PARM1: variants seen among roughly 807,000 people sequenced by gnomAD.
PARM1 encodes WSC4, cell wall integrity and stress response component 4 homolog.
Under a neutral mutation model 24.6 loss-of-function variants are expected in PARM1, and 14 were observed. The ratio of observed to expected loss-of-function variants is 0.57; its 90% CI spans 0.38 to 0.89. The LOEUF is 0.89. Among genes scored for constraint, PARM1 ranks in the 40% least tolerant of loss-of-function variants. PARM1 has a pLI of 0.00. For missense variants in PARM1, 362 were observed against 380.4 expected (o/e 0.95, Z 0.40); for synonymous variants, 179 against 156.6 (o/e 1.14, Z -1.07).
Position 75,033,889 on chromosome 4 carries a change from T to G in PARM1, c.776T>G (p.Ile259Ser). ...EVEHALSSGS[I>S]AAITVTVIAV... ...TGCCCTTCCTCCTTCACAGGCAGCATCGCCGCCATTACCGTGACAGTCATT... is the reference window on the plus strand; with the variant it reads ...TGCCCTTCCTCCTTCACAGGCAGCAGCGCCGCCATTACCGTGACAGTCATT... The change falls in exon 3 of 4, where the codon ATC becomes AGC. Residue 259 changes from isoleucine to serine, a missense_variant. Ile to Ser is a moderately radical substitution (Grantham distance 142). Transcript: ENST00000307428. 1 of 1,597,026 alleles carries G rather than the reference T, an allele frequency of 6.3e-7. No individual in the cohort carries two copies. Among genetic ancestry groups the G allele is most frequent in the Non-Finnish European group, 8.5e-7 (1 of 1,171,478 alleles).
chr4:75,012,284 T>A (rs1722884291), intron 1 of PARM1, 141 bp from the exon 2 acceptor site: 1 of 895,108 alleles, frequency 1.1e-6, no homozygotes, highest in Non-Finnish European at 1.7e-6. Context: ...AAAGTTGCCT[T>A]CACAACTGGG....
intron 1 of PARM1, among the ~76,000 whole-genome samples, chr4:75,005,810 T>C (rs2109789802): frequency 6.6e-6 from 1 of 152,338 alleles, no homozygotes; most frequent in East Asian, 1.9e-4. Context: ...CTGACCAGAC[T>C]TCAGGAACCA....
chr4:74,999,034 A>G (rs998194737), intron 1 of PARM1: 1 of 152,272 alleles, frequency 6.6e-6, no homozygotes. Context: ...TGTCAGAGGT[A>G]CTGGGTCTCA....
At chr4:74,953,822 T>C (rs1009522250) in intron 1 of PARM1, among the ~76,000 whole-genome samples, 2 of 151,896 alleles carry the variant, frequency 1.3e-5, no homozygotes, top group Non-Finnish European at 2.9e-5. Context: ...TCCAGAGACA[T>C]CTGACTGAGG....
Position 74,943,946 on chromosome 4 carries a change from G to A in PARM1, c.43+10576G>A, listed in dbSNP as rs116695014. On this transcript the variant is annotated intron_variant, in intron 1 of 3. Coordinates refer to ENST00000307428, the MANE Select transcript of PARM1 (RefSeq NM_015393.4). ...TTAGAGACCCTGTGCTACCTTCTTC[G>A]GTTGTTCTGAAATATGAATTGTGTT... Among the ~76,000 whole-genome samples, 218 of 152,246 alleles carry A rather than the reference G, an allele frequency of 1.4e-3. 2 individuals are homozygous for A. The highest frequency in any genetic ancestry group is 3.4e-3 in the Middle Eastern group (1 of 294).
rs572568114 is a variant in PARM1 at position 75,033,751 on chromosome 4, G to T, written c.770-132G>T. On this transcript the variant is annotated intron_variant, in intron 2 of 3. Coordinates refer to ENST00000307428, the MANE Select transcript of PARM1 (RefSeq NM_015393.4). ...TCTAGCTGTGAATGTCATGCAGAAT[G>T]ATCTGAAGTAGCTTTTCCCCCTTTC... The T allele has an allele frequency of 8.7e-6, 5 of 575,198 alleles. No individual in the cohort carries two copies. The South Asian group carries it at 1.5e-4, about 17-fold the overall frequency. The allele number at this position is 575,198 out of a possible 1,614,324, so 35.6% of individuals were successfully genotyped here.
Position 74,934,947 on chromosome 4 carries a change from A to T in PARM1, c.43+1577A>T, listed in dbSNP as rs1053371077. Reference sequence around the variant, plus strand: ...TGTCAAAACCGGGATTAACCCTAACAAACAGTGTATTGTAGCTTCCCCACC... The same window carrying T: ...TGTCAAAACCGGGATTAACCCTAACTAACAGTGTATTGTAGCTTCCCCACC... On this transcript the variant is annotated intron_variant, in intron 1 of 3. Transcript: ENST00000307428. Among the ~76,000 whole-genome samples the T allele has an allele frequency of 2.0e-5, 3 of 151,428 alleles. No homozygotes were observed. The East Asian group carries it at 5.8e-4, about 29-fold the overall frequency.
chr4:74,957,549 TG>T (rs1483169099), intron 1 of PARM1, among the ~76,000 whole-genome samples: 22 of 152,236 alleles, frequency 1.4e-4, no homozygotes, highest in African/African-American at 5.3e-4. Context: ...TAGAGGTTTT[TG>T]TTCTTTTTAA....
intron 1 of PARM1, among the ~76,000 whole-genome samples, chr4:74,946,771 G>A (rs531237505): frequency 2.6e-5 from 4 of 152,082 alleles, no homozygotes; most frequent in South Asian, 4.1e-4. Context: ...CATTAAATAC[G>A]TTTAAACTCG....
chr4:75,008,144 C>T (rs1002941834), intron 1 of PARM1, among the ~76,000 whole-genome samples: 1 of 152,142 alleles, frequency 6.6e-6, no homozygotes, highest in Non-Finnish European at 1.5e-5. Flanking sequence ...ATGGAATGTA[C>T]CATCAAATAA....
intron 1 of PARM1, among the ~76,000 whole-genome samples, chr4:74,969,218 G>A (rs1043551344): frequency 2.0e-5 from 3 of 152,196 alleles, no homozygotes; most frequent in African/African-American, 7.2e-5. Context: ...AGAGAGCCAA[G>A]CTCATGGGTC....
intron 1 of PARM1, among the ~76,000 whole-genome samples, chr4:75,009,846 C>G (rs1220651643): frequency 6.6e-6 from 1 of 152,058 alleles, no homozygotes; most frequent in Admixed American, 6.6e-5. Context: ...AGCTTTTATT[C>G]CAGTAGAAGA....
At chr4:75,037,742 T>C (rs1175754879) in intron 3 of PARM1, among the ~76,000 whole-genome samples, 1 of 152,194 alleles carries the variant, frequency 6.6e-6, no homozygotes, top group Non-Finnish European at 1.5e-5. Context: ...ACTCTTCTAC[T>C]TACTATTTAG....
chr4:75,000,924 G>C (rs17000066), intron 1 of PARM1, among the ~76,000 whole-genome samples: 2 of 152,140 alleles, frequency 1.3e-5, no homozygotes, highest in Non-Finnish European at 2.9e-5. Context: ...TAACCATTGC[G>C]GGTAGCTGTA....
intron 1 of PARM1, among the ~76,000 whole-genome samples, chr4:74,987,016 T>G (rs549123558): frequency 7.9e-5 from 12 of 152,250 alleles, no homozygotes; most frequent in Non-Finnish European, 1.6e-4. Flanking sequence ...TGAGTTTAAT[T>G]GAGTTCTATG....
intron 1 of PARM1, among the ~76,000 whole-genome samples, chr4:74,977,009 AT>A (rs1722151729): frequency 6.6e-6 from 1 of 152,254 alleles, no homozygotes; most frequent in South Asian, 2.1e-4. Flanking sequence ...GAAAAAATGA[AT>A]GCAAGAATAC....
At chr4:74,981,460 T>C (rs1190586438) in intron 1 of PARM1, among the ~76,000 whole-genome samples, 1 of 152,108 alleles carries the variant, frequency 6.6e-6, no homozygotes, top group Non-Finnish European at 1.5e-5. Flanking sequence ...ATGGCACTTA[T>C]TAAAAGGTCA....
At chr4:74,985,929 C>T (rs572908021) in intron 1 of PARM1, among the ~76,000 whole-genome samples, 38 of 152,072 alleles carry the variant, frequency 2.5e-4, no homozygotes, top group South Asian at 1.7e-3. Flanking sequence ...CCACCACGCC[C>T]GGCTAATTTT....
chr4:74,941,208 C>G (rs1721302371), intron 1 of PARM1, among the ~76,000 whole-genome samples: 1 of 152,186 alleles, frequency 6.6e-6, no homozygotes, highest in Non-Finnish European at 1.5e-5. Context: ...AAATGACATT[C>G]AGGAGGAGAG....
Sources: allele counts gnomAD v4.1 joint callset (sites outside exome capture counted in the v4.1 genomes callset), GRCh38; gene constraint gnomAD v4.1.1; transcripts MANE v1.5; gene names NCBI Gene and HGNC (gene_info 2026-07-23, HGNC 2026-07-21).